TMEM169: variants seen among roughly 807,000 people sequenced by gnomAD.
TMEM169 encodes transmembrane protein 169.
Under a neutral mutation model 27.3 loss-of-function variants are expected in TMEM169, and 18 were observed. That is an observed-to-expected ratio of 0.66 (90% CI 0.46 to 0.98). TMEM169 has a LOEUF of 0.98. Among genes scored for constraint, TMEM169 ranks in the 50% least tolerant of loss-of-function variants. The probability of loss-of-function intolerance (pLI) is 0.00; values close to 1 mark genes in which losing one functional copy is unlikely to be tolerated. For synonymous variants in TMEM169, 136 were observed against 142.1 expected (o/e 0.96, Z 0.30); for missense variants, 320 against 368.6 (o/e 0.87, Z 1.08).
In TMEM169 at chr2:216,100,212, C is replaced by T. The variant is rs766811386; in HGVS notation, c.564C>T (p.Tyr188=). The T allele has an allele frequency of 6.2e-7, 1 of 1,613,714 alleles. No homozygotes were observed. Among genetic ancestry groups the T allele is most frequent in the Non-Finnish European group, 8.5e-7 (1 of 1,180,002 alleles). Residue 188 remains tyrosine (Y), a synonymous_variant, in exon 3 of 3, where the codon TAC becomes TAT. Transcript: ENST00000437356. ...VSFYYGTITW[Y]NIFLVYNEER... ...TCTACTACGGCACTATCACCTGGTA[C>T]AACATCTTCCTCGTGTATAATGAGG...
At chr2:216,086,043 C>G (rs1335550050) in intron 1 of TMEM169, among the ~76,000 whole-genome samples, 1 of 152,040 alleles carries the variant, frequency 6.6e-6, no homozygotes, top group East Asian at 1.9e-4. Flanking sequence ...GAAGCTAACA[C>G]TCTGTAATAT....
intron 1 of TMEM169, among the ~76,000 whole-genome samples, chr2:216,094,871 C>T (rs918062111): frequency 1.3e-5 from 2 of 152,158 alleles, no homozygotes; most frequent in African/African-American, 4.8e-5. Flanking sequence ...GCCTCTCCAC[C>T]GCTCTTGCAG....
chr2:216,093,150 GTGTGTGTGTGTGTA>G (rs1196399241), intron 1 of TMEM169, among the ~76,000 whole-genome samples: 1 of 115,846 alleles, frequency 8.6e-6, no homozygotes, highest in Non-Finnish European at 1.8e-5. Context: ...GTGTGTGTGT[GTGTGTGTGTGTGTA>G]TACATATAAA....
chr2:216,091,636 G>A (rs906245399), intron 1 of TMEM169, among the ~76,000 whole-genome samples: 1 of 151,140 alleles, frequency 6.6e-6, no homozygotes, highest in Middle Eastern at 3.4e-3. Flanking sequence ...ACAGTGAGAA[G>A]GCACCATCTA....
intron 2 of TMEM169, among the ~76,000 whole-genome samples, chr2:216,096,463 C>A (rs1250982991): frequency 6.6e-6 from 1 of 152,190 alleles, no homozygotes; most frequent in Non-Finnish European, 1.5e-5. Flanking sequence ...CTTCTGGGTT[C>A]AAGTGACTTT....
At chr2:216,093,971 T>G (rs1696200226) in intron 1 of TMEM169, among the ~76,000 whole-genome samples, 1 of 152,136 alleles carries the variant, frequency 6.6e-6, no homozygotes, top group Non-Finnish European at 1.5e-5. Context: ...CCCACTCCCA[T>G]CCACTGGGCC....
Position 216,099,164 on chromosome 2 carries a change from T to C in TMEM169, c.272-756T>C, listed in dbSNP as rs1248186342. Among the ~76,000 whole-genome samples, 1 of 151,186 alleles carries C rather than the reference T, an allele frequency of 6.6e-6. No individual in the cohort carries two copies. Among genetic ancestry groups the C allele is most frequent in the African/African-American group, 2.4e-5 (1 of 41,052 alleles). ...ATATGGTATGTGTATGTGTTGTATGTGGTATGTGTGGGGAGGTTGTGTGTG... is the reference window on the plus strand; with the variant it reads ...ATATGGTATGTGTATGTGTTGTATGCGGTATGTGTGGGGAGGTTGTGTGTG... On this transcript the variant is annotated intron_variant, in intron 2 of 2. Transcript: ENST00000437356. The surrounding 1 kb of genome is among the most constrained non-coding windows in gnomAD (Gnocchi z 5.0).
intron 1 of TMEM169, among the ~76,000 whole-genome samples, chr2:216,084,804 G>C (rs1200000424): frequency 1.3e-5 from 2 of 152,118 alleles, no homozygotes; most frequent in Non-Finnish European, 2.9e-5. Flanking sequence ...CAAGCATTTG[G>C]AAGCATTTGG....
rs556545375 is a variant in TMEM169, at chr2:216,083,953, C to A, written c.-127+1974C>A. 6.6e-5 allele frequency among the ~76,000 whole-genome samples: 10 copies of A among 152,272 alleles called. No homozygotes were observed. In the East Asian group the frequency reaches 1.9e-3, roughly 29 times the overall value. On this transcript the variant is annotated intron_variant, in intron 1 of 2. Transcript: ENST00000437356. ...CTTTGTTTTGAAATTTTAGTTCTGC[C>A]TCTGGTTGAGGCATCTCTTCCGAAG...
chr2:216,096,470 C>G (rs998418745), intron 2 of TMEM169, among the ~76,000 whole-genome samples: 8 of 152,134 alleles, frequency 5.3e-5, no homozygotes, highest in African/African-American at 1.9e-4. Context: ...GTTCAAGTGA[C>G]TTTCCTGCCT....
intron 1 of TMEM169, among the ~76,000 whole-genome samples, chr2:216,095,280 G>T (rs895500312): frequency 2.6e-5 from 4 of 151,688 alleles, no homozygotes; most frequent in African/African-American, 9.7e-5. Flanking sequence ...TAGAGATGGG[G>T]TTTTGCCATG....
chr2:216,096,096 A>T lies in TMEM169; in HGVS notation c.133A>T (p.Lys45Ter), dbSNP rs965583576. 6.2e-7 allele frequency: 1 copy of T among 1,614,224 alleles called. No homozygotes were observed. The highest frequency in any genetic ancestry group is 8.5e-7 in the Non-Finnish European group (1 of 1,180,032). The part of the protein sequence containing the change: ...STMGHRKKKR[K>*]ESRPESIIIY... Reference sequence around the variant, plus strand: ...AATGGGGCACAGGAAAAAGAAGAGGAAAGAGTCACGCCCAGAATCCATCAT... The same window carrying T: ...AATGGGGCACAGGAAAAAGAAGAGGTAAGAGTCACGCCCAGAATCCATCAT... Residue 45 changes from lysine (K) to a stop codon, truncating the protein, a stop_gained, in exon 2 of 3, where the codon AAA becomes TAA. Transcript: ENST00000437356. LOFTEE classifies it high-confidence loss of function.
rs186920365 is a variant in TMEM169 at position 216,095,253 on chromosome 2, A to T, written c.-126-585A>T. Among the ~76,000 whole-genome samples, 360 of 151,894 alleles carry T rather than the reference A, an allele frequency of 2.4e-3. 1 individual carries two copies. Among genetic ancestry groups the T allele is most frequent in the Non-Finnish European group, 2.7e-3 (182 of 67,942 alleles). ...CAGGCACCCACCACTACAACCAGCT[A>T]ATTTTTGTATTTTTAGTAGAGATGG... On this transcript the variant is annotated intron_variant, in intron 1 of 2. Transcript: ENST00000437356.
At chr2:216,086,286 C>T (rs1433551318) in intron 1 of TMEM169, among the ~76,000 whole-genome samples, 1 of 152,090 alleles carries the variant, frequency 6.6e-6, no homozygotes, top group East Asian at 1.9e-4. Context: ...TGGTCTCAAA[C>T]TCCTGATCTC....
chr2:216,098,287 T>G (rs374199502), intron 2 of TMEM169, among the ~76,000 whole-genome samples: 3 of 152,276 alleles, frequency 2.0e-5, no homozygotes, highest in East Asian at 3.9e-4. Flanking sequence ...CCCTGCAGCC[T>G]CAGTAGCACT....
intron 1 of TMEM169, among the ~76,000 whole-genome samples, chr2:216,090,381 G>T (rs953918696): frequency 6.6e-6 from 1 of 152,180 alleles, no homozygotes; most frequent in Non-Finnish European, 1.5e-5. Flanking sequence ...CTGTTGTAAG[G>T]ACACTCAGAT....
intron 2 of TMEM169, among the ~76,000 whole-genome samples, chr2:216,098,796 C>T (rs572174366): frequency 4.2e-5 from 6 of 143,504 alleles, no homozygotes; most frequent in South Asian, 2.3e-4. Context: ...TTGTGTGTGT[C>T]GTATGGTGTG....
intron 1 of TMEM169, among the ~76,000 whole-genome samples, chr2:216,084,144 G>A (rs1252558470): frequency 6.6e-6 from 1 of 151,926 alleles, no homozygotes; most frequent in Non-Finnish European, 1.5e-5. Context: ...TACCCCATTA[G>A]CAATGACTGC....
At position 216,101,829 on chromosome 2, in the gene TMEM169, A is replaced by G. The variant is rs1262031366; in HGVS notation, c.*1287A>G. 2.0e-5 allele frequency: 3 copies of G among 152,166 alleles called. No individual in the cohort carries two copies. The highest frequency in any genetic ancestry group is 4.4e-5 in the Non-Finnish European group (3 of 68,032). The allele number at this position is 152,166 out of a possible 1,614,324, so 9.4% of individuals were successfully genotyped here. On this transcript the variant is annotated 3_prime_UTR_variant, in exon 3 of 3. Coordinates refer to ENST00000437356, the MANE Select transcript of TMEM169 (RefSeq NM_001142311.2). The stretch of plus-strand genomic sequence containing the variant: ...ACAATGATCATTTAAATACATTCAG[A>G]ACCCCCAAACTGCTAATATGGTTTT...
Sources: gnomAD v4.1 joint callset for allele counts (sites outside exome capture counted in the v4.1 genomes callset) on GRCh38, gnomAD v4.1.1 for gene constraint, Gnocchi (gnomAD v3.1) non-coding constraint, MANE v1.5 for transcripts, NCBI Gene and HGNC (gene_info 2026-07-23, HGNC 2026-07-21) for gene names.